The following SPATA17 variants were observed in gnomAD, a reference collection of about 807,000 sequenced individuals.
SPATA17 encodes the protein spermatogenesis-associated protein 17.
Under a neutral mutation model 62.2 loss-of-function variants are expected in SPATA17, and 53 were observed. The observed-to-expected ratio is 0.85, with a 90% CI of 0.68 to 1.07. SPATA17 has a LOEUF of 1.07. SPATA17 is among the 50% of genes least tolerant of loss of function. The pLI is 0.00. For missense variants in SPATA17, 466 were observed against 425.5 expected (o/e 1.10, Z -0.84); for synonymous variants, 146 against 146.8 (o/e 0.99, Z 0.04).
chr1:217,702,411 A>G (rs1403106815), intron 5 of SPATA17, among the ~76,000 whole-genome samples: 2 of 152,146 alleles, frequency 1.3e-5, no homozygotes, highest in Non-Finnish European at 2.9e-5. Context: ...TGGAAGGTAT[A>G]TAATCCAAAT....
At chr1:217,745,560 T>A (rs181418028) in intron 6 of SPATA17, among the ~76,000 whole-genome samples, 1 of 152,138 alleles carries the variant, frequency 6.6e-6, no homozygotes, top group Non-Finnish European at 1.5e-5. Flanking sequence ...GAACTATTAA[T>A]ACAAACTGTC....
At chr1:217,775,561 G>A (rs1039982169) in intron 7 of SPATA17, among the ~76,000 whole-genome samples, 2 of 152,012 alleles carry the variant, frequency 1.3e-5, no homozygotes, top group Non-Finnish European at 2.9e-5. Flanking sequence ...AAATTAGCTG[G>A]ACATGGTGGT....
intron 9 of SPATA17, among the ~76,000 whole-genome samples, chr1:217,811,714 T>C (rs1674595129): frequency 6.6e-6 from 1 of 150,424 alleles, no homozygotes; most frequent in African/African-American, 2.4e-5. Context: ...AAAAAAACTA[T>C]GTCTCTGTGT....
chr1:217,656,575 T>TATGC (rs1350173408), intron 3 of SPATA17, among the ~76,000 whole-genome samples: 1 of 151,958 alleles, frequency 6.6e-6, no homozygotes, highest in Non-Finnish European at 1.5e-5. Flanking sequence ...TGTATGTATG[T>TATGC]ATGTATTTAT....
chr1:217,836,993 A>G (rs1355293548), intron 9 of SPATA17, among the ~76,000 whole-genome samples: 1 of 152,144 alleles, frequency 6.6e-6, no homozygotes, highest in Non-Finnish European at 1.5e-5. Context: ...AAAATTAAAG[A>G]TTAAAAAGTA....
intron 5 of SPATA17, among the ~76,000 whole-genome samples, chr1:217,704,305 C>A (rs1671682366): frequency 7.9e-6 from 1 of 126,646 alleles, no homozygotes; most frequent in Admixed American, 9.7e-5. Context: ...CTGCGGACTG[C>A]AGTGGCGCAA....
Position 217,871,411 on chromosome 1 carries a change from T to A in SPATA17, c.*4392T>A, listed in dbSNP as rs1184727169. 6.6e-6 allele frequency: 1 copy of A among 152,138 alleles called. No individual in the cohort carries two copies. Among genetic ancestry groups the A allele is most frequent in the African/African-American group, 2.4e-5 (1 of 41,442 alleles). The allele number at this position is 152,138 out of a possible 1,614,324, so 9.4% of individuals were successfully genotyped here. A position where few individuals can be genotyped will look rare whatever the true frequency, so the allele number is the denominator to read the frequency against. On this transcript the variant is annotated 3_prime_UTR_variant, in exon 11 of 11. Transcript: ENST00000366933. Reference sequence around the variant, plus strand: ...ACCTCAGCTTTTAACTTTGCCCTGATTTTCTCTTCCATTTTATTTTCACTT... The same window carrying A: ...ACCTCAGCTTTTAACTTTGCCCTGAATTTCTCTTCCATTTTATTTTCACTT...
chr1:217,669,168 T>A lies in SPATA17; in HGVS notation c.291+85T>A, dbSNP rs1670779238. The stretch of plus-strand genomic sequence containing the variant: ...TAATAAAATGAGCAAAGCAGAATAA[T>A]GCAAATTTGATTGATATGCTAATGG... On this transcript the variant is annotated intron_variant, in intron 4 of 10. Transcript: ENST00000366933. The A allele has an allele frequency of 4.6e-5, 55 of 1,193,956 alleles. 2 individuals carry two copies. The South Asian group carries it at 7.3e-4, about 16-fold the overall frequency. The allele number at this position is 1,193,956 out of a possible 1,614,324, so 74.0% of individuals were successfully genotyped here.
intron 1 of SPATA17, among the ~76,000 whole-genome samples, chr1:217,632,714 C>A (rs1669836133): frequency 6.6e-6 from 1 of 152,164 alleles, no homozygotes; most frequent in Non-Finnish European, 1.5e-5. Flanking sequence ...GTTGAAGACT[C>A]ACATTAATGA....
chr1:217,694,422 C>G (rs1214927213), intron 5 of SPATA17, among the ~76,000 whole-genome samples: 1 of 145,522 alleles, frequency 6.9e-6, no homozygotes, highest in East Asian at 2.0e-4. Context: ...ATACAGCACA[C>G]TGATGGGTCT....
At chr1:217,653,078 G>A (rs1198216080) in intron 3 of SPATA17, among the ~76,000 whole-genome samples, 1 of 152,172 alleles carries the variant, frequency 6.6e-6, no homozygotes, top group Non-Finnish European at 1.5e-5. Context: ...TTTCAGATCA[G>A]ATTAGCTCCA....
rs985549828 is a variant in SPATA17, at chr1:217,868,029, C to G, written c.*1010C>G. 1 of 151,774 alleles carries G rather than the reference C, an allele frequency of 6.6e-6. No individual in the cohort carries two copies. The highest frequency in any genetic ancestry group is 6.6e-5 in the Admixed American group (1 of 15,246). 9.4% of individuals were successfully genotyped at this position (151,774 alleles called of 1,614,324 possible). A position where few individuals can be genotyped will look rare whatever the true frequency, so the allele number is the denominator to read the frequency against. ...ATCTGTTTCTTCAACAAATAAATTA[C>G]AAAACTGAGGGGAAAAAAAGGAACC... On this transcript the variant is annotated 3_prime_UTR_variant, in exon 11 of 11. Transcript: ENST00000366933.
At chr1:217,675,233 A>T (rs533949811) in intron 4 of SPATA17, among the ~76,000 whole-genome samples, 1 of 152,244 alleles carries the variant, frequency 6.6e-6, no homozygotes, top group East Asian at 1.9e-4. Flanking sequence ...GTGGGGGGAA[A>T]ATTATACTTA....
chr1:217,699,329 T>C (rs886601876), intron 5 of SPATA17, among the ~76,000 whole-genome samples: 2 of 152,226 alleles, frequency 1.3e-5, no homozygotes, highest in Non-Finnish European at 2.9e-5. Context: ...ACCAGGAATG[T>C]ATGAGTGTTC....
intron 4 of SPATA17, among the ~76,000 whole-genome samples, chr1:217,682,941 C>T (rs1170816109): frequency 6.6e-6 from 1 of 151,516 alleles, no homozygotes. Context: ...AATTGATTTG[C>T]CCAGGAAGTG....
intron 5 of SPATA17, among the ~76,000 whole-genome samples, chr1:217,735,889 A>G (rs1234727030): frequency 1.3e-5 from 2 of 151,808 alleles, no homozygotes; most frequent in African/African-American, 4.8e-5. Context: ...ATACTGAGCA[A>G]ATATTGAACT....
At chr1:217,769,794 T>C (rs1673392548) in intron 6 of SPATA17, among the ~76,000 whole-genome samples, 1 of 152,218 alleles carries the variant, frequency 6.6e-6, no homozygotes, top group African/African-American at 2.4e-5. Context: ...TCTGGGGTAC[T>C]ATATCTGAGG....
rs1274965951 is a variant in SPATA17, at chr1:217,868,553, C to G, written c.*1534C>G. The G allele has an allele frequency of 1.3e-5, 2 of 151,654 alleles. No homozygotes were observed. Among genetic ancestry groups the G allele is most frequent in the Non-Finnish European group, 2.9e-5 (2 of 67,976 alleles). 9.4% of individuals were successfully genotyped at this position (151,654 alleles called of 1,614,324 possible). A position where few individuals can be genotyped will look rare whatever the true frequency, so the allele number is the denominator to read the frequency against. On this transcript the variant is annotated 3_prime_UTR_variant, in exon 11 of 11. Transcript: ENST00000366933. ...GCCTATTTTATAATATTGAACAGCC[C>G]ATGTAATTTATTGAATATTGTACTA...
chr1:217,864,743 G>A (rs1675973576), intron 10 of SPATA17, among the ~76,000 whole-genome samples: 1 of 151,402 alleles, frequency 6.6e-6, no homozygotes. Context: ...ACTCCAGTAG[G>A]GACTGTTTGC....
Sources: allele counts gnomAD v4.1 joint callset (sites outside exome capture counted in the v4.1 genomes callset), GRCh38; gene constraint gnomAD v4.1.1; transcripts MANE v1.5; gene names NCBI Gene and HGNC (gene_info 2026-07-23, HGNC 2026-07-21).